Variants in EIF2AK2 observed in about 807,000 individuals in gnomAD.
The protein encoded by EIF2AK2 is eukaryotic translation initiation factor 2 alpha kinase 2.
A neutral mutation model predicts 70.5 loss-of-function variants in EIF2AK2; 40 were observed. The observed-to-expected ratio is 0.57, with a 90% CI of 0.44 to 0.74. EIF2AK2 has a LOEUF of 0.74. Among genes scored for constraint, EIF2AK2 ranks in the 30% least tolerant of loss-of-function variants. The pLI, the probability that EIF2AK2 is intolerant of heterozygous loss-of-function variation, is 0.00. For missense variants in EIF2AK2, 555 were observed against 644.3 expected, an observed-to-expected ratio of 0.86 and a Z score of 1.50; for synonymous variants, 198 against 220.9, an observed-to-expected ratio of 0.90 and a Z score of 0.92.
intron 10 of EIF2AK2, among the ~76,000 whole-genome samples, chr2:37,131,990 G>A (rs949269705): frequency 6.6e-6 from 1 of 152,076 alleles, no homozygotes; most frequent in Admixed American, 6.5e-5. Flanking sequence ...ACAGCTAAGG[G>A]AACTCCTATC....
At position 37,106,108 on chromosome 2, in the gene EIF2AK2, TCAAAGATAA is replaced by T. The variant is rs1673956824; in HGVS notation, c.*1156_*1164del. ...TCCCCAATCACATCATTCCCCTCCC[TCAAAGATAA>T]CCACCATCCAGAATTTAATATTTCT... is the stretch of plus-strand genomic sequence containing the variant. On this transcript the variant is annotated 3_prime_UTR_variant, in exon 17 of 17. Transcript: ENST00000233057. 1 of 152,208 alleles carries T rather than the reference TCAAAGATAA, an allele frequency of 6.6e-6. No individual in the cohort carries two copies. The highest frequency in any genetic ancestry group is 2.4e-5 in the African/African-American group (1 of 41,454). 9.4% of individuals were successfully genotyped at this position (152,208 alleles called of 1,614,324 possible).
At position 37,147,794 on chromosome 2, in the gene EIF2AK2, G is replaced by C. The variant is rs750120308; in HGVS notation, c.13C>G (p.Leu5Val). 2 of 1,612,488 alleles carry C rather than the reference G, an allele frequency of 1.2e-6. No individual in the cohort carries two copies. Among genetic ancestry groups the C allele is most frequent in the Non-Finnish European group, 1.7e-6 (2 of 1,178,952 alleles). MAGD[L>V]SAGFFMEELN... Reference sequence around the variant, plus strand: ...TCCTCCATGAAGAAACCTGCTGAAAGATCACCAGCCATTTCTTCTTCCCGT... The same window carrying C: ...TCCTCCATGAAGAAACCTGCTGAAACATCACCAGCCATTTCTTCTTCCCGT... Residue 5 changes from leucine (L) to valine (V), a missense_variant, in exon 3 of 17, where the codon CTT becomes GTT. Physicochemically the swap from Leu to Val is conservative, Grantham distance 32. This residue lies in a region of EIF2AK2 where 48 missense variants were observed against 77.1 expected (regional missense o/e 0.62). Transcript: ENST00000233057.
chr2:37,137,936 C>T (rs982502737), intron 8 of EIF2AK2, among the ~76,000 whole-genome samples: 3 of 151,920 alleles, frequency 2.0e-5, no homozygotes, highest in Non-Finnish European at 4.4e-5. Flanking sequence ...CATGGTGAAA[C>T]CCCGTCTCTA....
intron 14 of EIF2AK2, among the ~76,000 whole-genome samples, chr2:37,109,821 G>A (rs1381683099): frequency 6.6e-6 from 1 of 152,142 alleles, no homozygotes; most frequent in Admixed American, 6.5e-5. Flanking sequence ...AATACAAAGA[G>A]TACCTACTGT....
rs1475317815 is a variant in EIF2AK2, at chr2:37,104,680, A to G, written c.*2593T>C. The G allele has an allele frequency of 6.6e-6, 1 of 151,346 alleles. No homozygotes were observed. The highest frequency in any genetic ancestry group is 1.5e-5 in the Non-Finnish European group (1 of 67,916). The allele number at this position is 151,346 out of a possible 1,614,324, so 9.4% of individuals were successfully genotyped here. Reference sequence around the variant, plus strand: ...TTCAAACATTGCATTTGGTCATTGTATCTTACAAGTCTCTCCCCTTTTTTT... The same window carrying G: ...TTCAAACATTGCATTTGGTCATTGTGTCTTACAAGTCTCTCCCCTTTTTTT... On this transcript the variant is annotated 3_prime_UTR_variant, in exon 17 of 17. Coordinates refer to ENST00000233057, the MANE Select transcript of EIF2AK2 (RefSeq NM_001135651.3).
rs1317787658 is a variant in EIF2AK2, at chr2:37,124,871, G to T, written c.908+1418C>A. Among the ~76,000 whole-genome samples, 2 of 151,852 alleles carry T rather than the reference G, an allele frequency of 1.3e-5. 1 individual carries two copies. Among genetic ancestry groups the T allele is most frequent in the South Asian group, 4.2e-4 (2 of 4,818 alleles). On this transcript the variant is annotated intron_variant, in intron 11 of 16. Coordinates refer to ENST00000233057, the MANE Select transcript of EIF2AK2 (RefSeq NM_001135651.3). ...GCTTCTGAAGTAGCTGAGACTACAG[G>T]CGTGGCTACCACACCGGCCTAATTA...
At chr2:37,109,685 G>A (rs990050417) in intron 14 of EIF2AK2, among the ~76,000 whole-genome samples, 7 of 152,200 alleles carry the variant, frequency 4.6e-5, no homozygotes, top group Admixed American at 1.3e-4. Context: ...GACCACAACA[G>A]AAGAATGGAT....
rs920285723 is a variant in EIF2AK2, at chr2:37,114,962, C to A, written c.1249-103G>T. 4 of 774,988 alleles carry A rather than the reference C, an allele frequency of 5.2e-6. No individual in the cohort carries two copies. The African/African-American group carries it at 5.5e-5, about 11-fold the overall frequency. The allele number at this position is 774,988 out of a possible 1,614,324, so 48.0% of individuals were successfully genotyped here. A position where few individuals can be genotyped will look rare whatever the true frequency, so the allele number is the denominator to read the frequency against. On this transcript the variant is annotated intron_variant, in intron 13 of 16. Transcript: ENST00000233057. ...GACTATTTTTATATTATTTATAAGACCTTTACCCTTACACAGGTAGCCAAA... is the reference window on the plus strand; with the variant it reads ...GACTATTTTTATATTATTTATAAGAACTTTACCCTTACACAGGTAGCCAAA...
At chr2:37,121,617 AT>A (rs34031780) in intron 12 of EIF2AK2, among the ~76,000 whole-genome samples, 14,391 of 122,124 alleles carry the variant, frequency 0.12, 772 homozygotes, top group African/African-American at 0.2. Context: ...TGGAGGCTTG[AT>A]TTTTTTTTTT....
Position 37,147,838 on chromosome 2 carries a change from C to T in EIF2AK2, c.-16-16G>A, listed in dbSNP as rs760849886. ...TTCCCGTATCCTACAATGGAAGAGA[C>T]ATTTGAATGAGTGATGCTCACAGAA... On this transcript the variant is annotated splice_polypyrimidine_tract_variant and intron_variant, in intron 2 of 16. Coordinates refer to ENST00000233057, the MANE Select transcript of EIF2AK2 (RefSeq NM_001135651.3). 2 of 1,500,050 alleles carry T rather than the reference C, an allele frequency of 1.3e-6. No homozygotes were observed. The highest frequency in any genetic ancestry group is 1.9e-6 in the Non-Finnish European group (2 of 1,078,614). The allele number at this position is 1,500,050 out of a possible 1,614,324, so 92.9% of individuals were successfully genotyped here.
intron 4 of EIF2AK2, among the ~76,000 whole-genome samples, chr2:37,145,588 T>C (rs1675503851): frequency 6.6e-6 from 1 of 152,160 alleles, no homozygotes; most frequent in South Asian, 2.1e-4. Context: ...TGCTTATGTA[T>C]ACAGTGTTTA....
intron 4 of EIF2AK2, among the ~76,000 whole-genome samples, chr2:37,144,227 T>G (rs1258826785): frequency 6.6e-6 from 1 of 152,210 alleles, no homozygotes; most frequent in Non-Finnish European, 1.5e-5. Flanking sequence ...ACAAATCTAC[T>G]GTTCTACAGT....
At chr2:37,149,188 T>A in intron 1 of EIF2AK2, 165 bp from the exon 2 acceptor site, 1 of 1,096,722 alleles carries the variant, frequency 9.1e-7, no homozygotes, top group Non-Finnish European at 1.4e-6. Context: ...TCTATGCTTG[T>A]CGTGCCTGTG....
intron 10 of EIF2AK2, among the ~76,000 whole-genome samples, chr2:37,131,347 A>G (rs1674932601): frequency 6.6e-6 from 1 of 152,202 alleles, no homozygotes; most frequent in African/African-American, 2.4e-5. Context: ...CTTCAAAACA[A>G]CTAGACCCCA....
At chr2:37,135,439 C>A in intron 10 of EIF2AK2, 45 bp downstream of exon 10, 1 of 1,506,874 alleles carries the variant, frequency 6.6e-7, no homozygotes, top group African/African-American at 1.4e-5. Context: ...AAACATCCAC[C>A]GACAGCATTA....
rs866246085 is a variant in EIF2AK2 at position 37,101,512 on chromosome 2, C to G, written c.*5761G>C. ...TTAAAATCACTGAAAGTGGAACAAT[C>G]AGACATCATGTTCCTCCTGAAATGA... On this transcript the variant is annotated 3_prime_UTR_variant, in exon 17 of 17. Coordinates refer to ENST00000233057, the MANE Select transcript of EIF2AK2 (RefSeq NM_001135651.3). 1.3e-5 allele frequency: 2 copies of G among 152,306 alleles called. No homozygotes were observed. The highest frequency in any genetic ancestry group is 6.8e-3 in the Middle Eastern group (2 of 294). The allele number at this position is 152,306 out of a possible 1,614,324, so 9.4% of individuals were successfully genotyped here.
At chr2:37,139,390 T>C (rs1675247726) in intron 6 of EIF2AK2, among the ~76,000 whole-genome samples, 1 of 150,274 alleles carries the variant, frequency 6.7e-6, no homozygotes, top group African/African-American at 2.5e-5. Flanking sequence ...GGATTACAGG[T>C]GTGAGCCACC....
At chr2:37,118,048 C>A (rs942355771) in intron 13 of EIF2AK2, among the ~76,000 whole-genome samples, 19 of 152,004 alleles carry the variant, frequency 1.2e-4, no homozygotes, top group Admixed American at 9.8e-4. Flanking sequence ...TGGAGCACAC[C>A]TGGAATGCCA....
At position 37,148,913 on chromosome 2, in the gene EIF2AK2, A is replaced by T; in HGVS notation, c.-73T>A. The T allele has an allele frequency of 1.2e-6, 1 of 825,362 alleles. No homozygotes were observed. Among genetic ancestry groups the T allele is most frequent in the Middle Eastern group, 2.2e-4 (1 of 4,498 alleles). 51.1% of individuals were successfully genotyped at this position (825,362 alleles called of 1,614,324 possible). ...GATAATCACGGAAGTGTGGATGTTG[A>T]TTCTGAAGACCGCCAGAGAAGCAAA... On this transcript the variant is annotated 5_prime_UTR_variant, in exon 2 of 17. Coordinates refer to ENST00000233057, the MANE Select transcript of EIF2AK2 (RefSeq NM_001135651.3).
Sources: allele counts gnomAD v4.1 joint callset (sites outside exome capture counted in the v4.1 genomes callset), GRCh38; gene constraint gnomAD v4.1.1; regional missense constraint gnomAD v4.1.1; transcripts MANE v1.5; gene names NCBI Gene and HGNC (gene_info 2026-07-23, HGNC 2026-07-21).